ASAH1: variants seen among roughly 807,000 people sequenced by gnomAD.
ASAH1 encodes the protein acid ceramidase.
In ASAH1, 70 loss-of-function variants were observed where a neutral mutation model predicts 59.5. That is an observed-to-expected ratio of 1.18 (90% CI 0.97 to 1.43). ASAH1 has a LOEUF of 1.43. ASAH1 is among the 40% of genes most tolerant of loss of function. The pLI is 0.00. For synonymous variants in ASAH1, 213 were observed against 166.5 expected (o/e 1.28, Z -2.15); for missense variants, 660 against 482.5 (o/e 1.37, Z -3.45).
At position 18,075,001 on chromosome 8, in the gene ASAH1, C is replaced by CTTTTTTTTTTTTTTTTTTTTTTTTT. The variant is rs769278694; in HGVS notation, c.125+539_125+540insAAAAAAAAAAAAAAAAAAAAAAAAA. ...ATTGAGTGGAGAATGAAAATCCTTT[C>CTTTTTTTTTTTTTTTTTTTTTTTTT]CTTTTTTTTTTTGAGACAGAGTCTC... On this transcript the variant is annotated intron_variant, in intron 2 of 13. Coordinates refer to ENST00000637790, the MANE Select transcript of ASAH1 (RefSeq NM_177924.5). 4.0e-5 allele frequency among the ~76,000 whole-genome samples: 6 copies of CTTTTTTTTTTTTTTTTTTTTTTTTT among 148,466 alleles called. 2 individuals are homozygous for CTTTTTTTTTTTTTTTTTTTTTTTTT. The highest frequency in any genetic ancestry group is 1.2e-4 in the African/African-American group (5 of 40,106).
At chr8:18,061,486 A>T in intron 9 of ASAH1, 28 bp from the exon 10 acceptor site, 1 of 1,583,140 alleles carries the variant, frequency 6.3e-7, no homozygotes, top group South Asian at 1.1e-5. Flanking sequence ...AATGTCAGGA[A>T]CCGGAAGAGG....
chr8:18,056,413 T>G lies in ASAH1; in HGVS notation c.*1121A>C, dbSNP rs1003844287. On this transcript the variant is annotated 3_prime_UTR_variant, in exon 14 of 14. Transcript: ENST00000637790. The stretch of plus-strand genomic sequence containing the variant: ...CCCCCCTCCTCCAAACCAACACAGA[T>G]GTACACACCCAATCAGCGTGCATGA... 1 of 152,076 alleles carries G rather than the reference T, an allele frequency of 6.6e-6. No homozygotes were observed. The highest frequency in any genetic ancestry group is 1.5e-5 in the Non-Finnish European group (1 of 68,026). 9.4% of individuals were successfully genotyped at this position (152,076 alleles called of 1,614,324 possible). A position where few individuals can be genotyped will look rare whatever the true frequency, so the allele number is the denominator to read the frequency against.
chr8:18,083,636 T>C (rs1800755810), intron 1 of ASAH1, among the ~76,000 whole-genome samples: 2 of 152,314 alleles, frequency 1.3e-5, no homozygotes, highest in East Asian at 1.9e-4. Flanking sequence ...TGCACACAGG[T>C]CCACCGGAAC....
At chr8:18,078,937 C>T (rs1199364579) in intron 1 of ASAH1, among the ~76,000 whole-genome samples, 16 of 151,944 alleles carry the variant, frequency 1.1e-4, no homozygotes, top group Admixed American at 1.0e-3. Context: ...TCAGTGGTCT[C>T]CTAAGAGTGA....
upstream of ASAH1, chr8:18,084,121 G>C (rs1243280465): frequency 3.2e-6 from 5 of 1,585,328 alleles, no homozygotes; most frequent in South Asian, 1.1e-5. Flanking sequence ...CGGCTGGGCC[G>C]GGGGCAGGCC....
intron 10 of ASAH1, 146 bp downstream of exon 10, chr8:18,061,231 T>C (rs546379876): frequency 1.5e-6 from 1 of 660,856 alleles, no homozygotes; most frequent in South Asian, 2.1e-5. Context: ...AAAACATGAG[T>C]AATTCCACAT....
At position 18,067,312 on chromosome 8, in the gene ASAH1, ATAT is replaced by A. The variant is rs1383042785; in HGVS notation, c.304-17_304-15del. On this transcript the variant is annotated splice_polypyrimidine_tract_variant and intron_variant, in intron 4 of 13. Coordinates refer to ENST00000637790, the MANE Select transcript of ASAH1 (RefSeq NM_177924.5). ...AAGTAGGCCAGGCTGGAAAACAAAT[ATAT>A]TAATAAAAGCATTTAACATAATAAC... 2 of 1,548,366 alleles carry A rather than the reference ATAT, an allele frequency of 1.3e-6. No homozygotes were observed.
At chr8:18,067,144 T>TATCTAAGACATACAGCACCTGTGCTGTAA in intron 5 of ASAH1, 76 bp downstream of exon 5, 11 of 1,223,780 alleles carry the variant, frequency 9.0e-6, no homozygotes, top group South Asian at 1.4e-5. Context: ...CTGTGCTGTA[T>TATCTAAGACATACAGCACCTGTGCTGTAA]GTATATCACA....
chr8:18,084,699 C>A, upstream of ASAH1: 1 of 1,613,720 alleles, frequency 6.2e-7, no homozygotes, highest in Non-Finnish European at 8.5e-7. Context: ...GCAAAGCTGC[C>A]AAATCCCAGA....
chr8:18,057,429 G>T lies in ASAH1; in HGVS notation c.*105C>A. 2 of 820,566 alleles carry T rather than the reference G, an allele frequency of 2.4e-6. No individual in the cohort carries two copies. Among genetic ancestry groups the T allele is most frequent in the Non-Finnish European group, 4.0e-6 (2 of 499,362 alleles). 50.8% of individuals were successfully genotyped at this position (820,566 alleles called of 1,614,324 possible). ...CAAGCTATTGACTCAAAGAGAACCT[G>T]CCGCGAGTCTTAGTCTTTGGAAGGT... is the stretch of plus-strand genomic sequence containing the variant. On this transcript the variant is annotated 3_prime_UTR_variant, in exon 14 of 14. Transcript: ENST00000637790.
At chr8:18,063,767 A>G (rs536905787) in intron 6 of ASAH1, 1 of 157,354 alleles carries the variant, frequency 6.4e-6, no homozygotes, top group South Asian at 1.9e-4. Context: ...ACGGGTTTCC[A>G]GGTAAGATCA....
rs2117017908 is a variant in ASAH1, at chr8:18,059,439, A to G, written c.943T>C (p.Tyr315His). 6.2e-7 allele frequency: 1 copy of G among 1,614,228 alleles called. No homozygotes were observed. Among genetic ancestry groups the G allele is most frequent in the South Asian group, 1.1e-5 (1 of 91,092 alleles). ...YELDAKQGRW[Y>H]VVQTNYDRWK... ...CGGTCATAATTTGTTTGTACCACATACCATCTACCCTGCTTAGCATCGAGT... is the reference window on the plus strand; with the variant it reads ...CGGTCATAATTTGTTTGTACCACATGCCATCTACCCTGCTTAGCATCGAGT... Residue 315 changes from tyrosine to histidine, a missense_variant, in exon 12 of 14, where the codon TAT (tyrosine) becomes CAT (histidine). Tyr to His is a moderately conservative substitution (Grantham distance 83, BLOSUM62 2). Coordinates refer to ENST00000637790, the MANE Select transcript of ASAH1 (RefSeq NM_177924.5).
Position 18,079,631 on chromosome 8 carries a change from T to C in ASAH1, c.79-4044A>G, listed in dbSNP as rs148207127. Among the ~76,000 whole-genome samples the C allele has an allele frequency of 4.6e-3, 698 of 152,308 alleles. 2 individuals carry two copies. Among genetic ancestry groups the C allele is most frequent in the African/African-American group, 0.016 (678 of 41,552 alleles). On this transcript the variant is annotated intron_variant, in intron 1 of 13. Coordinates refer to ENST00000637790, the MANE Select transcript of ASAH1 (RefSeq NM_177924.5). ...AGAAAGCCCTTGTGTGCTTGTCTTA[T>C]TGAAATACTCAGAAAGAGACAATGA... is the stretch of plus-strand genomic sequence containing the variant.
At position 18,079,286 on chromosome 8, in the gene ASAH1, A is replaced by AC. The variant is rs199790909; in HGVS notation, c.79-3700_79-3699insG. Among the ~76,000 whole-genome samples the AC allele has an allele frequency of 3.2e-3, 484 of 151,658 alleles. 4 individuals are homozygous for AC. The highest frequency in any genetic ancestry group is 0.011 in the African/African-American group (460 of 41,386). Reference sequence around the variant, plus strand: ...AGACTCCATCTCAGAAAAAAAAAAAAAACAAAAAACTCTCTGGAAAGTGCT... The same window carrying AC: ...AGACTCCATCTCAGAAAAAAAAAAAACAACAAAAAACTCTCTGGAAAGTGCT... On this transcript the variant is annotated intron_variant, in intron 1 of 13. Transcript: ENST00000637790.
At chr8:18,073,963 T>C (rs947263562) in intron 2 of ASAH1, among the ~76,000 whole-genome samples, 12 of 152,180 alleles carry the variant, frequency 7.9e-5, no homozygotes, top group African/African-American at 2.9e-4. Flanking sequence ...GGAGTACATA[T>C]GTATGTATAC....
At chr8:18,077,081 C>T (rs1800433303) in intron 1 of ASAH1, among the ~76,000 whole-genome samples, 1 of 152,120 alleles carries the variant, frequency 6.6e-6, no homozygotes, top group Admixed American at 6.5e-5. Context: ...TCAAAGACTG[C>T]AAAACTTTAC....
At chr8:18,081,385 A>G (rs887110772) in intron 1 of ASAH1, among the ~76,000 whole-genome samples, 3 of 151,976 alleles carry the variant, frequency 2.0e-5, no homozygotes, top group African/African-American at 7.3e-5. Context: ...TCCAATCCAG[A>G]CTCATCTTTT....
intron 1 of ASAH1, among the ~76,000 whole-genome samples, chr8:18,079,901 T>A (rs1800581538): frequency 6.6e-6 from 1 of 152,252 alleles, no homozygotes; most frequent in Non-Finnish European, 1.5e-5. Context: ...TCTTCTGGGC[T>A]TTGATGGGAT....
chr8:18,082,452 T>A (rs917678845), intron 1 of ASAH1: 1 of 152,196 alleles, frequency 6.6e-6, no homozygotes, highest in Admixed American at 6.5e-5. Context: ...ATAAGATTAT[T>A]CTGAGACATG....
Sources: allele counts gnomAD v4.1 joint callset (sites outside exome capture counted in the v4.1 genomes callset), GRCh38; gene constraint gnomAD v4.1.1; transcripts MANE v1.5; gene names NCBI Gene and HGNC (gene_info 2026-07-23, HGNC 2026-07-21).